The following HERC2 variants were observed in gnomAD, a reference collection of about 807,000 sequenced individuals.
The protein encoded by HERC2 is E3 ubiquitin-protein ligase HERC2.
In HERC2, 102 loss-of-function variants were observed where a neutral mutation model predicts 537.7. That is an observed-to-expected ratio of 0.19 (90% CI 0.16 to 0.22). The LOEUF is 0.22. Ranked by LOEUF, HERC2 falls within the 10% of genes least tolerant of loss-of-function variation. HERC2 has a pLI of 1.00. For missense variants in HERC2, 4,236 were observed against 6,198.2 expected, an observed-to-expected ratio of 0.68 and a Z score of 10.63; for synonymous variants, 2,224 against 2,466.2, an observed-to-expected ratio of 0.90 and a Z score of 2.91.
In HERC2 at chr15:28,257,255, C is replaced by T; in HGVS notation, c.2323G>A (p.Ala775Thr). 6.2e-7 allele frequency: 1 copy of T among 1,613,738 alleles called. No individual in the cohort carries two copies. Among genetic ancestry groups the T allele is most frequent in the Non-Finnish European group, 8.5e-7 (1 of 1,179,698 alleles). ...GIACGPAQSF[A>T]WSSCSEWSIG... ...GACCACTCAGAACATGATGACCAAG[C>T]AAAGCTCTAAGAGGAAACGCAACAA... is the stretch of plus-strand genomic sequence containing the variant. Residue 775 changes from alanine (A) to threonine (T), a missense_variant, in exon 17 of 93, where the codon GCT becomes ACT. This residue lies in a region of HERC2 where 754 missense variants were observed against 1,085.0 expected (regional missense o/e 0.69). Transcript: ENST00000261609.
At chr15:28,158,986 T>A (rs1893300362) in intron 69 of HERC2, among the ~76,000 whole-genome samples, 1 of 152,186 alleles carries the variant, frequency 6.6e-6, no homozygotes, top group Non-Finnish European at 1.5e-5. Context: ...TATTTCTCCT[T>A]CACTTATGAA....
intron 25 of HERC2, 106 bp from the exon 26 acceptor site, chr15:28,237,219 G>C: frequency 2.1e-6 from 2 of 939,474 alleles, no homozygotes; most frequent in Non-Finnish European, 3.4e-6. Context: ...GTGAGCCCAG[G>C]GGTGCTCTGG....
At chr15:28,147,061 C>T (rs1360310700) in intron 70 of HERC2, among the ~76,000 whole-genome samples, 2 of 142,292 alleles carry the variant, frequency 1.4e-5, no homozygotes, top group Non-Finnish European at 3.0e-5. Context: ...GAAGCAGGAA[C>T]ACAGGGAGGC....
At chr15:28,191,924 G>GT (rs1362159220) in intron 53 of HERC2, 37 bp downstream of exon 53, 1 of 1,580,190 alleles carries the variant, frequency 6.3e-7, no homozygotes, top group East Asian at 2.3e-5. Flanking sequence ...AACCATCGGT[G>GT]TGAAAGTGCC....
intron 71 of HERC2, among the ~76,000 whole-genome samples, chr15:28,145,777 C>T (rs139266323): frequency 1.4e-3 from 208 of 152,302 alleles, no homozygotes; most frequent in African/African-American, 4.6e-3. Flanking sequence ...CACCCAAAGA[C>T]GGTCCTGACC....
At chr15:28,123,494 A>G (rs1889145036) in intron 85 of HERC2, among the ~76,000 whole-genome samples, 1 of 152,148 alleles carries the variant, frequency 6.6e-6, no homozygotes, top group African/African-American at 2.4e-5. Flanking sequence ...ACAGGTCAAA[A>G]CCTGCCTGGT....
chr15:28,192,475 C>G (rs1412088903), intron 52 of HERC2, among the ~76,000 whole-genome samples: 1 of 152,134 alleles, frequency 6.6e-6, no homozygotes, highest in African/African-American at 2.4e-5. Context: ...ATTAAAAATG[C>G]TTTTATAAAT....
At chr15:28,137,300 T>C (rs974970838) in intron 78 of HERC2, among the ~76,000 whole-genome samples, 4 of 152,198 alleles carry the variant, frequency 2.6e-5, no homozygotes, top group Non-Finnish European at 5.9e-5. Flanking sequence ...CGGTTCACAA[T>C]GATCCCTGCT....
At chr15:28,245,654 C>T (rs1903629275) in intron 23 of HERC2, among the ~76,000 whole-genome samples, 1 of 149,894 alleles carries the variant, frequency 6.7e-6, no homozygotes, top group Admixed American at 6.6e-5. Flanking sequence ...TATACACACT[C>T]ATATATACAC....
chr15:28,264,193 T>G (rs1267060483), intron 14 of HERC2, among the ~76,000 whole-genome samples: 1 of 152,158 alleles, frequency 6.6e-6, no homozygotes, highest in Non-Finnish European at 1.5e-5. Flanking sequence ...AACGATCAGA[T>G]GGTAAATATT....
intron 2 of HERC2, among the ~76,000 whole-genome samples, chr15:28,317,771 T>C (rs370292009): frequency 3.0e-4 from 45 of 152,324 alleles, no homozygotes; most frequent in African/African-American, 1.0e-3. Flanking sequence ...CGCACACACA[T>C]TGTACCAACT....
chr15:28,146,639 G>A (rs1447779281), intron 70 of HERC2, among the ~76,000 whole-genome samples: 1 of 151,224 alleles, frequency 6.6e-6, no homozygotes, highest in African/African-American at 2.5e-5. Flanking sequence ...GCTTTACAGC[G>A]AACATCACAC....
intron 86 of HERC2, among the ~76,000 whole-genome samples, chr15:28,118,894 G>A (rs147075762): frequency 2.0e-3 from 309 of 152,338 alleles, no homozygotes; most frequent in Middle Eastern, 0.01. Flanking sequence ...TCTGGCACCC[G>A]GGGCCGTGGC....
chr15:28,279,421 A>G (rs1252645970), intron 5 of HERC2, among the ~76,000 whole-genome samples: 1 of 152,236 alleles, frequency 6.6e-6, no homozygotes, highest in Non-Finnish European at 1.5e-5. Flanking sequence ...TAAAACGTAT[A>G]CAACGTTCAG....
At chr15:28,132,604 G>C in intron 80 of HERC2, 49 bp downstream of exon 80, 3 of 1,357,404 alleles carry the variant, frequency 2.2e-6, no homozygotes, top group Non-Finnish European at 2.9e-6. Context: ...TCTGACAGCA[G>C]CAGTGAGGAG....
chr15:28,160,619 G>A (rs1476755725), intron 69 of HERC2, among the ~76,000 whole-genome samples: 1 of 152,200 alleles, frequency 6.6e-6, no homozygotes, highest in Non-Finnish European at 1.5e-5. Context: ...CAATTTTCCA[G>A]GTGCCTTCTG....
intron 56 of HERC2, among the ~76,000 whole-genome samples, chr15:28,185,472 T>C (rs1478308928): frequency 2.0e-5 from 3 of 152,220 alleles, no homozygotes; most frequent in African/African-American, 7.2e-5. Flanking sequence ...CTTTCAGCAA[T>C]TTATCTAGGA....
intron 35 of HERC2, among the ~76,000 whole-genome samples, chr15:28,227,921 G>A (rs55912569): frequency 0.091 from 13,798 of 152,020 alleles, 2,111 homozygotes; most frequent in African/African-American, 0.32. Flanking sequence ...CCATAGACAG[G>A]GAAAGCAGAT....
At chr15:28,244,353 T>C (rs557110933) in intron 23 of HERC2, among the ~76,000 whole-genome samples, 7 of 152,256 alleles carry the variant, frequency 4.6e-5, no homozygotes, top group African/African-American at 1.4e-4. Flanking sequence ...GTTCCACTTA[T>C]ATGAAGTCCG....
Sources: gnomAD v4.1 joint callset for allele counts (sites outside exome capture counted in the v4.1 genomes callset) on GRCh38, gnomAD v4.1.1 for gene constraint, gnomAD v4.1.1 regional missense constraint, MANE v1.5 for transcripts, NCBI Gene and HGNC (gene_info 2026-07-23, HGNC 2026-07-21) for gene names.